The following GABPB2 variants were observed in gnomAD, a reference collection of about 807,000 sequenced individuals.
GABPB2 encodes the protein GA-binding protein subunit beta-2.
In GABPB2, 23 loss-of-function variants were observed where a neutral mutation model predicts 39.1. The observed-to-expected ratio is 0.59, with a 90% CI of 0.42 to 0.83. The LOEUF (loss-of-function observed/expected upper bound fraction) is 0.83. Among genes scored for constraint, GABPB2 ranks in the 40% least tolerant of loss-of-function variants. GABPB2 has a pLI of 0.00. For missense variants in GABPB2, 467 were observed against 541.1 expected (o/e 0.86, Z 1.36); for synonymous variants, 184 against 199.3 (o/e 0.92, Z 0.65).
rs181605791 is a variant in GABPB2, at chr1:151,100,364, C to T, written c.622+2362C>T. 3.2e-4 allele frequency among the ~76,000 whole-genome samples: 49 copies of T among 151,438 alleles called. 1 individual carries two copies. Among genetic ancestry groups the T allele is most frequent in the African/African-American group, 1.1e-3 (46 of 41,302 alleles). On this transcript the variant is annotated intron_variant, in intron 5 of 8. Coordinates refer to ENST00000368918, the MANE Select transcript of GABPB2 (RefSeq NM_144618.3). ...TTCACCATGTTGGCCAGGCTGGTCTCGAACTCCTGAGCTTGTGATCCACTC... is the reference window on the plus strand; with the variant it reads ...TTCACCATGTTGGCCAGGCTGGTCTTGAACTCCTGAGCTTGTGATCCACTC...
At chr1:151,107,617 C>A (rs1307678040) in intron 7 of GABPB2, among the ~76,000 whole-genome samples, 1 of 151,798 alleles carries the variant, frequency 6.6e-6, no homozygotes, top group Non-Finnish European at 1.5e-5. Context: ...CCGGGTTCAC[C>A]GCGCCCGGCC....
intron 7 of GABPB2, among the ~76,000 whole-genome samples, chr1:151,110,435 A>G (rs1221586941): frequency 6.6e-6 from 1 of 152,006 alleles, no homozygotes; most frequent in Non-Finnish European, 1.5e-5. Flanking sequence ...TTTTGGAGAA[A>G]AAGAATAGAA....
rs587738480 is a variant in GABPB2, at chr1:151,101,344, G to T, written c.623-2218G>T. 2.6e-5 allele frequency among the ~76,000 whole-genome samples: 4 copies of T among 152,236 alleles called. No homozygotes were observed. In the South Asian group the frequency reaches 6.2e-4, roughly 24 times the overall value. On this transcript the variant is annotated intron_variant, in intron 5 of 8. Transcript: ENST00000368918. ...AATCCCAGCACTTTGGGAGGCCGAG[G>T]TGGGCAGATCACTTGAGGTCAGGAG...
Position 151,120,673 on chromosome 1 carries a change from A to C in GABPB2, c.*2417A>C, listed in dbSNP as rs587660358. 2.0e-5 allele frequency: 3 copies of C among 152,286 alleles called. No homozygotes were observed. The East Asian group carries it at 5.8e-4, about 29-fold the overall frequency. 9.4% of individuals were successfully genotyped at this position (152,286 alleles called of 1,614,324 possible). On this transcript the variant is annotated 3_prime_UTR_variant, in exon 9 of 9. Coordinates refer to ENST00000368918, the MANE Select transcript of GABPB2 (RefSeq NM_144618.3). ...ATAAACTTTGCTCTGACTGGATTTC[A>C]TAAAATTACAGTGAGGAGGGTAGTC... is the stretch of plus-strand genomic sequence containing the variant.
At chr1:151,075,660 G>A (rs1677109839) in intron 1 of GABPB2, among the ~76,000 whole-genome samples, 1 of 150,556 alleles carries the variant, frequency 6.6e-6, no homozygotes, top group Admixed American at 6.6e-5. Context: ...AGCGAGCTGA[G>A]ACTGCACCAC....
rs760017300 is a variant in GABPB2 at position 151,118,184 on chromosome 1, G to C, written c.1275G>C (p.Glu425Asp). 2 of 1,614,132 alleles carry C rather than the reference G, an allele frequency of 1.2e-6. No homozygotes were observed. Among genetic ancestry groups the C allele is most frequent in the Non-Finnish European group, 1.7e-6 (2 of 1,180,012 alleles). Reference sequence around the variant, plus strand: ...CAGAGGGGGAGTTGGAAGAGAGAGAGACAAAAGTGACTGGGTCAGCAGGGA... The same window carrying C: ...CAGAGGGGGAGTTGGAAGAGAGAGACACAAAAGTGACTGGGTCAGCAGGGA... ...VVTEGELEERETKVTGSAGTT... is the reference protein window; with the variant it reads ...VVTEGELEERDTKVTGSAGTT... Residue 425 changes from glutamate to aspartate, a missense_variant, in exon 9 of 9, where the codon GAG becomes GAC. By Grantham distance (45) the Glu-to-Asp change is conservative. Coordinates refer to ENST00000368918, the MANE Select transcript of GABPB2 (RefSeq NM_144618.3).
chr1:151,115,338 A>G (rs1326252223), intron 7 of GABPB2, among the ~76,000 whole-genome samples: 1 of 152,106 alleles, frequency 6.6e-6, no homozygotes, highest in East Asian at 1.9e-4. Flanking sequence ...AGCCTGAATA[A>G]TAAGAATGAA....
rs1347557464 is a variant in GABPB2 at position 151,122,560 on chromosome 1, C to T, written c.*4304C>T. 2 of 152,002 alleles carry T rather than the reference C, an allele frequency of 1.3e-5. No individual in the cohort carries two copies. Among genetic ancestry groups the T allele is most frequent in the Non-Finnish European group, 2.9e-5 (2 of 68,010 alleles). The allele number at this position is 152,002 out of a possible 1,614,324, so 9.4% of individuals were successfully genotyped here. ...TTAATCCCTCTTCCCCCACACCTCGCCCATTAAGGGGAAGGAGGTTAACTC... is the reference window on the plus strand; with the variant it reads ...TTAATCCCTCTTCCCCCACACCTCGTCCATTAAGGGGAAGGAGGTTAACTC... On this transcript the variant is annotated 3_prime_UTR_variant, in exon 9 of 9. Coordinates refer to ENST00000368918, the MANE Select transcript of GABPB2 (RefSeq NM_144618.3).
intron 5 of GABPB2, among the ~76,000 whole-genome samples, chr1:151,102,368 G>A (rs1020938159): frequency 6.6e-6 from 1 of 152,096 alleles, no homozygotes; most frequent in African/African-American, 2.4e-5. Context: ...CATAACTAAA[G>A]TATTTTTAAC....
chr1:151,117,649 T>A, intron 8 of GABPB2, 133 bp downstream of exon 8: 2 of 972,234 alleles, frequency 2.1e-6, no homozygotes. Context: ...AGTGGCATGA[T>A]CTCAGCTCAC....
At position 151,124,190 on chromosome 1, in the gene GABPB2, C is replaced by G. The variant is rs1361980367; in HGVS notation, c.*5934C>G. Reference sequence around the variant, plus strand: ...TTCTTTTTTTTTTTTTAAACAGAGTCTCTCTCTGTCACCCAGGCTGGAGCG... The same window carrying G: ...TTCTTTTTTTTTTTTTAAACAGAGTGTCTCTCTGTCACCCAGGCTGGAGCG... On this transcript the variant is annotated 3_prime_UTR_variant, in exon 9 of 9. Transcript: ENST00000368918. 2 of 141,544 alleles carry G rather than the reference C, an allele frequency of 1.4e-5. No homozygotes were observed. The highest frequency in any genetic ancestry group is 2.6e-5 in the African/African-American group (1 of 38,022). 8.8% of individuals were successfully genotyped at this position (141,544 alleles called of 1,614,324 possible).
At chr1:151,087,370 G>T (rs1456239843) in intron 1 of GABPB2, among the ~76,000 whole-genome samples, 1 of 151,974 alleles carries the variant, frequency 6.6e-6, no homozygotes, top group Non-Finnish European at 1.5e-5. Flanking sequence ...GTTTGGGCCG[G>T]GCGCAGTGGC....
intron 3 of GABPB2, among the ~76,000 whole-genome samples, chr1:151,091,115 CT>C (rs1313784098): frequency 6.6e-6 from 1 of 151,646 alleles, no homozygotes; most frequent in Non-Finnish European, 1.5e-5. Flanking sequence ...GAGAAGGAGT[CT>C]TGCTCTTGTG....
At chr1:151,087,993 G>A (rs1364486834) in intron 1 of GABPB2, among the ~76,000 whole-genome samples, 197 bp from the exon 2 acceptor site, 2 of 152,184 alleles carry the variant, frequency 1.3e-5, no homozygotes, top group Non-Finnish European at 2.9e-5. Context: ...ATAGAACTAT[G>A]TATTAGGGCT....
chr1:151,084,932 C>CAAAAAATTTAAA (rs1553261975), intron 1 of GABPB2, among the ~76,000 whole-genome samples: 1 of 151,776 alleles, frequency 6.6e-6, no homozygotes, highest in East Asian at 1.9e-4. Context: ...TCTGTCTCTA[C>CAAAAAATTTAAA]AAAAAATTTA....
At chr1:151,075,510 G>A (rs1677091365) in intron 1 of GABPB2, among the ~76,000 whole-genome samples, 2 of 146,584 alleles carry the variant, frequency 1.4e-5, no homozygotes, top group Middle Eastern at 3.7e-3. Context: ...CTTGCAGTGA[G>A]CCGAGATTGT....
In GABPB2 at chr1:151,089,054, A is replaced by G. The variant is rs587691631; in HGVS notation, c.108+757A>G. Among the ~76,000 whole-genome samples, 68 of 152,246 alleles carry G rather than the reference A, an allele frequency of 4.5e-4. 1 individual carries two copies. In the South Asian group the frequency reaches 0.014, roughly 31 times the overall value. Reference sequence around the variant, plus strand: ...TACCACTGTTCAAAAAACATTAAAGAGGAAGGTGTAATTTAGCCTCAACCA... The same window carrying G: ...TACCACTGTTCAAAAAACATTAAAGGGGAAGGTGTAATTTAGCCTCAACCA... On this transcript the variant is annotated intron_variant, in intron 2 of 8. Transcript: ENST00000368918.
At position 151,117,495 on chromosome 1, in the gene GABPB2, A is replaced by T; in HGVS notation, c.1026A>T (p.Thr342=). Residue 342 remains threonine, a synonymous_variant, in exon 8 of 9, where the codon ACA becomes ACT. Transcript: ENST00000368918. ...LTKKPRIGEK[T]NSVEESKEGN... is the part of the protein sequence containing the mutation. ...AGAAACCAAGGATAGGAGAGAAGAC[A>T]AACAGTGTGGAGGAAAGCAAGGTAA... is the stretch of plus-strand genomic sequence containing the variant. The T allele has an allele frequency of 1.2e-6, 2 of 1,614,012 alleles. No homozygotes were observed. Among genetic ancestry groups the T allele is most frequent in the South Asian group, 2.2e-5 (2 of 91,090 alleles).
chr1:151,118,471 G>A lies in GABPB2; in HGVS notation c.*215G>A, dbSNP rs1044438690. ...TTTCTGAGGGGCCAAAAGAATAAAGGACCAAATTTCTTAGCTCATATCATT... is the reference window on the plus strand; with the variant it reads ...TTTCTGAGGGGCCAAAAGAATAAAGAACCAAATTTCTTAGCTCATATCATT... On this transcript the variant is annotated 3_prime_UTR_variant, in exon 9 of 9. Transcript: ENST00000368918. 1.0e-5 allele frequency: 5 copies of A among 479,772 alleles called. No homozygotes were observed. Among genetic ancestry groups the A allele is most frequent in the African/African-American group, 5.8e-5 (3 of 51,860 alleles). The allele number at this position is 479,772 out of a possible 1,614,324, so 29.7% of individuals were successfully genotyped here.
Sources: gnomAD v4.1 joint callset for allele counts (sites outside exome capture counted in the v4.1 genomes callset) on GRCh38, gnomAD v4.1.1 for gene constraint, MANE v1.5 for transcripts, NCBI Gene and HGNC (gene_info 2026-07-23, HGNC 2026-07-21) for gene names.